Variants in ZFHX3 observed in about 807,000 individuals in gnomAD.
ZFHX3 encodes zinc finger homeobox 3, also known as zinc finger homeobox protein 3.
ZFHX3 carries 42 observed loss-of-function variants against 279.1 expected under a neutral mutation model. That is an observed-to-expected ratio of 0.15 (90% CI 0.12 to 0.19). The LOEUF is 0.19. ZFHX3 is among the 10% of genes least tolerant of loss of function. ZFHX3 has a pLI of 1.00. For missense variants in ZFHX3, 4,981 were observed against 4,754.0 expected (o/e 1.05, Z -1.40); for synonymous variants, 2,293 against 1,957.8 (o/e 1.17, Z -4.52).
intron 7 of ZFHX3, among the ~76,000 whole-genome samples, chr16:72,804,990 A>G (rs531711466): frequency 1.3e-5 from 2 of 151,784 alleles, no homozygotes; most frequent in South Asian, 4.2e-4. Flanking sequence ...TTATTTATTT[A>G]TTTTTCAGAG....
chr16:73,795,155 C>T (rs1959954317), intron 1 of ZFHX3, among the ~76,000 whole-genome samples: 1 of 152,220 alleles, frequency 6.6e-6, no homozygotes, highest in Admixed American at 6.5e-5. Context: ...GTCCCAGGCT[C>T]AGACCGCAGC....
At chr16:72,851,533 G>A (rs1399338858) in intron 4 of ZFHX3, among the ~76,000 whole-genome samples, 1 of 151,798 alleles carries the variant, frequency 6.6e-6, no homozygotes, top group African/African-American at 2.4e-5. Flanking sequence ...TACCACAAGG[G>A]TTCTGCACAT....
intron 2 of ZFHX3, chr16:73,558,156 T>TTAA (rs1395351548): frequency 1.3e-5 from 2 of 152,180 alleles, no homozygotes; most frequent in Non-Finnish European, 2.9e-5. Flanking sequence ...CACAGTGAAA[T>TTAA]AATAGAGTGC....
chr16:73,777,618 T>C (rs1327506757), intron 1 of ZFHX3, among the ~76,000 whole-genome samples: 1 of 152,162 alleles, frequency 6.6e-6, no homozygotes, highest in African/African-American at 2.4e-5. Context: ...CCCAAATCTT[T>C]TTTTCTCCGT....
chr16:72,932,653 C>CAAAAAAAAAAAAAAA (rs3079316), intron 3 of ZFHX3, among the ~76,000 whole-genome samples: 1 of 103,266 alleles, frequency 9.7e-6, no homozygotes. Flanking sequence ...TGCTCCGCAC[C>CAAAAAAAAAAAAAAA]AAAAAAAAAA....
rs746221441 is a variant in ZFHX3, at chr16:72,793,073, C to T, written c.9427+182G>A. Among the ~76,000 whole-genome samples the T allele has an allele frequency of 3.3e-5, 5 of 152,200 alleles. No individual in the cohort carries two copies. Among genetic ancestry groups the T allele is most frequent in the Non-Finnish European group, 5.9e-5 (4 of 68,032 alleles). On this transcript the variant is annotated intron_variant, in intron 9 of 9. Transcript: ENST00000268489. The surrounding 1 kb of genome is among the most constrained non-coding windows in gnomAD (Gnocchi z 4.3). ...ACTGTTCCGACCAGGAGGTCCCATC[C>T]CTGACACACCAGTACTTGGGAGACT...
intron 2 of ZFHX3, among the ~76,000 whole-genome samples, chr16:72,951,714 G>C (rs1371701400): frequency 6.6e-6 from 1 of 152,182 alleles, no homozygotes; most frequent in Non-Finnish European, 1.5e-5. Flanking sequence ...AGCCTTCATG[G>C]GGAACCAGAA....
In ZFHX3 at chr16:73,812,845, T is replaced by C. The variant is rs148522744; in HGVS notation, c.-1608+78806A>G. 8.5e-5 allele frequency among the ~76,000 whole-genome samples: 13 copies of C among 152,340 alleles called. No individual in the cohort carries two copies. The East Asian group carries it at 2.5e-3, about 29-fold the overall frequency. ...GGTGACAGATAAGGCAGCAACTCTTTGGGCAAACTCCCAATATGGGAGCAG... is the reference window on the plus strand; with the variant it reads ...GGTGACAGATAAGGCAGCAACTCTTCGGGCAAACTCCCAATATGGGAGCAG... On this transcript the variant is annotated intron_variant, in intron 1 of 17. Coordinates refer to the ZFHX3 transcript ENST00000641206.
At chr16:73,251,622 C>T (rs146075216) in intron 5 of ZFHX3, among the ~76,000 whole-genome samples, 2 of 151,962 alleles carry the variant, frequency 1.3e-5, no homozygotes, top group Admixed American at 1.3e-4. Flanking sequence ...GCTGGATATT[C>T]CAAATGAAAA....
chr16:73,211,992 T>C (rs2012036060), intron 5 of ZFHX3, among the ~76,000 whole-genome samples: 1 of 152,100 alleles, frequency 6.6e-6, no homozygotes. Context: ...CAACGAGAGG[T>C]TGAAAGTCAC....
intron 4 of ZFHX3, among the ~76,000 whole-genome samples, chr16:73,270,903 AGATCTCTAAACCAAGG>A (rs1307008717): frequency 6.6e-6 from 1 of 152,224 alleles, no homozygotes; most frequent in Non-Finnish European, 1.5e-5. Context: ...ACACTCGAAA[AGATCTCTAAACCAAGG>A]GATCTGACTA....
intron 3 of ZFHX3, among the ~76,000 whole-genome samples, chr16:73,387,825 G>T (rs2016931542): frequency 6.6e-6 from 1 of 151,874 alleles, no homozygotes; most frequent in Admixed American, 6.6e-5. Flanking sequence ...GTTCCTTGTT[G>T]GAACACCCAG....
intron 4 of ZFHX3, among the ~76,000 whole-genome samples, chr16:73,280,514 A>G (rs928087847): frequency 5.9e-5 from 9 of 152,222 alleles, no homozygotes; most frequent in South Asian, 2.1e-4. Context: ...GGTGTTTACC[A>G]TCATTAATCA....
At chr16:73,889,215 G>C (rs1299078759) in intron 1 of ZFHX3, among the ~76,000 whole-genome samples, 1 of 152,210 alleles carries the variant, frequency 6.6e-6, no homozygotes, top group African/African-American at 2.4e-5. Context: ...GGGACAGATG[G>C]GAATAAGGAC....
chr16:73,687,846 CAAAAAAA>C (rs535371406), intron 1 of ZFHX3, among the ~76,000 whole-genome samples: 1 of 63,930 alleles, frequency 1.6e-5, no homozygotes, highest in Non-Finnish European at 3.1e-5. Context: ...GACTCTGTCT[CAAAAAAA>C]AAAAAAAAAA....
intron 1 of ZFHX3, among the ~76,000 whole-genome samples, chr16:73,788,229 T>G (rs952701307): frequency 3.3e-5 from 5 of 152,106 alleles, no homozygotes; most frequent in Non-Finnish European, 7.4e-5. Context: ...GACCTCACTC[T>G]CCTCCTGCCT....
chr16:73,517,675 C>T (rs899624663), intron 2 of ZFHX3, among the ~76,000 whole-genome samples: 7 of 152,216 alleles, frequency 4.6e-5, no homozygotes, highest in African/African-American at 1.2e-4. Flanking sequence ...GGTGAGGGAG[C>T]TGGGGTATTT....
chr16:73,759,028 T>G (rs1468193229), intron 1 of ZFHX3, among the ~76,000 whole-genome samples: 1 of 152,222 alleles, frequency 6.6e-6, no homozygotes, highest in Admixed American at 6.5e-5. Context: ...TTAACCACTG[T>G]GCTTTCCCCT....
At chr16:73,259,453 C>T (rs1414226611) in intron 4 of ZFHX3, among the ~76,000 whole-genome samples, 5 of 152,194 alleles carry the variant, frequency 3.3e-5, no homozygotes, top group African/African-American at 1.2e-4. Context: ...ACTGTCTACG[C>T]TTCTTGAAGC....
Sources: gnomAD v4.1 joint callset for allele counts (sites outside exome capture counted in the v4.1 genomes callset) on GRCh38, gnomAD v4.1.1 for gene constraint, Gnocchi (gnomAD v3.1) non-coding constraint, MANE v1.5 for transcripts, NCBI Gene and HGNC (gene_info 2026-07-23, HGNC 2026-07-21) for gene names.